RAB11FIP3: variants seen among roughly 807,000 people sequenced by gnomAD.
RAB11FIP3 encodes the protein RAB11 family interacting protein 3.
RAB11FIP3 carries 17 observed loss-of-function variants against 77.8 expected under a neutral mutation model. That is an observed-to-expected ratio of 0.22 (90% CI 0.15 to 0.33). The LOEUF (loss-of-function observed/expected upper bound fraction) is 0.33, where lower values mean the gene tolerates loss of function less well. RAB11FIP3 is among the 10% of genes least tolerant of loss of function. The probability of loss-of-function intolerance (pLI) is 1.00; values close to 1 mark genes in which losing one functional copy is unlikely to be tolerated. For synonymous variants in RAB11FIP3, 437 were observed against 448.2 expected, an observed-to-expected ratio of 0.98 and a Z score of 0.31; for missense variants, 1,005 against 1,011.2, an observed-to-expected ratio of 0.99 and a Z score of 0.08.
chr16:426,512 C>A lies in RAB11FIP3; in HGVS notation c.506C>A (p.Ala169Glu). ...DVFSPFPAPT[A>E]GELALEQGPG... Reference sequence around the variant, plus strand: ...TTCTCTCCCTTCCCCGCGCCCACGGCGGGCGAGCTGGCGCTGGAGCAAGGT... The same window carrying A: ...TTCTCTCCCTTCCCCGCGCCCACGGAGGGCGAGCTGGCGCTGGAGCAAGGT... Residue 169 changes from alanine (A) to glutamate (E), a missense_variant, in exon 1 of 14, where the codon GCG becomes GAG. By Grantham distance (107) the Ala-to-Glu change is moderately radical. Transcript: ENST00000262305. This position sits in a 1 kb window ranked among gnomAD's most constrained non-coding sequence, Gnocchi z 5.0. The A allele has an allele frequency of 2.6e-6, 4 of 1,559,486 alleles. No homozygotes were observed. Among genetic ancestry groups the A allele is most frequent in the Non-Finnish European group, 3.5e-6 (4 of 1,153,336 alleles).
chr16:450,102 A>AAGCC, intron 1 of RAB11FIP3, among the ~76,000 whole-genome samples: 1 of 152,256 alleles, frequency 6.6e-6, no homozygotes, highest in South Asian at 2.1e-4. Flanking sequence ...GACAACATGG[A>AAGCC]AGCCAGGTCA....
intron 2 of RAB11FIP3, among the ~76,000 whole-genome samples, chr16:468,268 AAGTCAGGGAGGAGGTGCAGGG>A (rs2055750811): frequency 1.6e-4 from 1 of 6,326 alleles, no homozygotes; most frequent in Admixed American, 1.8e-3. Flanking sequence ...AGGTGCAGGG[AAGTCAGGGAGGAGGTGCAGGG>A]GCGTCAGGGA....
At chr16:492,238 C>T (rs1037257917) in intron 5 of RAB11FIP3, among the ~76,000 whole-genome samples, 4 of 152,188 alleles carry the variant, frequency 2.6e-5, no homozygotes, top group Admixed American at 2.0e-4. Context: ...AAGCACAGGG[C>T]CCCCAGCCAG....
intron 5 of RAB11FIP3, among the ~76,000 whole-genome samples, chr16:492,282 C>T (rs891430577): frequency 6.6e-6 from 1 of 151,862 alleles, no homozygotes; most frequent in Non-Finnish European, 1.5e-5. Context: ...GGGGTGGGGC[C>T]CGGCACTGAT....
chr16:456,563 C>A (rs1420669420), intron 1 of RAB11FIP3, among the ~76,000 whole-genome samples: 1 of 152,140 alleles, frequency 6.6e-6, no homozygotes, highest in East Asian at 1.9e-4. Flanking sequence ...CAAGACCAGC[C>A]TGCCCAACAT....
At chr16:430,471 C>G (rs555160071) in intron 1 of RAB11FIP3, among the ~76,000 whole-genome samples, 1 of 152,122 alleles carries the variant, frequency 6.6e-6, no homozygotes, top group Non-Finnish European at 1.5e-5. Context: ...AAGGAAGTGT[C>G]GATGCTCAGA....
At chr16:500,772 C>T (rs903870257) in intron 6 of RAB11FIP3, among the ~76,000 whole-genome samples, 3 of 151,132 alleles carry the variant, frequency 2.0e-5, no homozygotes, top group Non-Finnish European at 4.4e-5. Context: ...CCCTCTGCCT[C>T]ACGTTGGTGG....
rs558144377 is a variant in RAB11FIP3 at position 488,932 on chromosome 16, G to A, written c.1197G>A (p.Ala399=). Residue 399 remains alanine, a synonymous_variant, in exon 5 of 14, where the codon GCG becomes GCA. Coordinates refer to ENST00000262305, the MANE Select transcript of RAB11FIP3 (RefSeq NM_014700.4). ...HFEDYGEGSE[A]ELSPETLCNG... is the part of the protein sequence containing the mutation. Reference sequence around the variant, plus strand: ...AGGACTACGGTGAAGGCAGTGAGGCGGAGCTGTCCCCAGAGACCCTATGCA... The same window carrying A: ...AGGACTACGGTGAAGGCAGTGAGGCAGAGCTGTCCCCAGAGACCCTATGCA... The A allele has an allele frequency of 2.4e-5, 38 of 1,614,020 alleles. No homozygotes were observed. Among genetic ancestry groups the A allele is most frequent in the Middle Eastern group, 3.3e-4 (2 of 6,062 alleles).
At position 514,150 on chromosome 16, in the gene RAB11FIP3, C is replaced by T. The variant is rs958332834; in HGVS notation, c.1640+3350C>T. On this transcript the variant is annotated intron_variant, in intron 9 of 13. Coordinates refer to ENST00000262305, the MANE Select transcript of RAB11FIP3 (RefSeq NM_014700.4). This position sits in a 1 kb window ranked among gnomAD's most constrained non-coding sequence, Gnocchi z 4.6. ...CACCCTAAGCGCTTGGGGTCAGTGC[C>T]ACCGTGTTCTGGGCCTCCTGCAGCT... 5.9e-5 allele frequency among the ~76,000 whole-genome samples: 9 copies of T among 152,220 alleles called. No homozygotes were observed. Among genetic ancestry groups the T allele is most frequent in the African/African-American group, 2.2e-4 (9 of 41,448 alleles).
rs1247894974 is a variant in RAB11FIP3 at position 426,987 on chromosome 16, C to A, written c.714+267C>A. On this transcript the variant is annotated intron_variant, in intron 1 of 13. Transcript: ENST00000262305. The surrounding 1 kb of genome is among the most constrained non-coding windows in gnomAD (Gnocchi z 5.0). ...CCAGCGCCTCGTCAGCTGGATCTTA[C>A]CGAGGTCAGCTCCTCGCCTGGGGAC... Among the ~76,000 whole-genome samples, 1 of 152,016 alleles carries A rather than the reference C, an allele frequency of 6.6e-6. No individual in the cohort carries two copies. The highest frequency in any genetic ancestry group is 1.5e-5 in the Non-Finnish European group (1 of 67,974).
chr16:491,362 C>T, intron 5 of RAB11FIP3: 1 of 1,208,916 alleles, frequency 8.3e-7, no homozygotes, highest in African/African-American at 1.6e-5. Flanking sequence ...CCGAGGCGAC[C>T]AGGAGCCTCT....
intron 1 of RAB11FIP3, among the ~76,000 whole-genome samples, chr16:438,646 A>C (rs930868297): frequency 1.3e-5 from 2 of 150,352 alleles, no homozygotes; most frequent in Non-Finnish European, 2.9e-5. Flanking sequence ...GGGCTCCCAA[A>C]CTGCTGGGAT....
At chr16:433,054 G>A (rs1157249471) in intron 1 of RAB11FIP3, among the ~76,000 whole-genome samples, 1 of 100,778 alleles carries the variant, frequency 9.9e-6, no homozygotes, top group African/African-American at 4.0e-5. Context: ...TTTTTTTTGA[G>A]ACATAGTCTC....
Position 438,193 on chromosome 16 carries a change from C to T in RAB11FIP3, c.714+11473C>T, listed in dbSNP as rs958051036. On this transcript the variant is annotated intron_variant, in intron 1 of 13. Coordinates refer to ENST00000262305, the MANE Select transcript of RAB11FIP3 (RefSeq NM_014700.4). ...TGTGATATCCACTTACTGCAACCTC[C>T]GCCTCTCAGGTTCAAGCAATTCTCC... 1.3e-4 allele frequency among the ~76,000 whole-genome samples: 19 copies of T among 151,624 alleles called. 1 individual carries two copies. Among genetic ancestry groups the T allele is most frequent in the African/African-American group, 2.4e-4 (10 of 41,232 alleles).
chr16:441,420 TC>T (rs1236585164), intron 1 of RAB11FIP3, among the ~76,000 whole-genome samples: 1 of 152,202 alleles, frequency 6.6e-6, no homozygotes, highest in Non-Finnish European at 1.5e-5. Context: ...TCTGGCATGT[TC>T]TCACGGGGGG....
At position 488,985 on chromosome 16, in the gene RAB11FIP3, C is replaced by G; in HGVS notation, c.1250C>G (p.Ala417Gly). The stretch of plus-strand genomic sequence containing the variant: ...GGGCAGCTGGGCTGCAGTGACCCCG[C>G]TTTCCTCACGCCCAGGTAATGACGC... ...CNGQLGCSDP[A>G]FLTPSPTKRL... Residue 417 changes from alanine (A) to glycine (G), a missense_variant, in exon 5 of 14, where the codon GCT becomes GGT. Ala to Gly is a moderately conservative substitution (Grantham distance 60). Coordinates refer to ENST00000262305, the MANE Select transcript of RAB11FIP3 (RefSeq NM_014700.4). 6.2e-7 allele frequency: 1 copy of G among 1,613,894 alleles called. No individual in the cohort carries two copies. Among genetic ancestry groups the G allele is most frequent in the Non-Finnish European group, 8.5e-7 (1 of 1,179,936 alleles).
rs533592586 is a variant in RAB11FIP3 at position 510,171 on chromosome 16, G to A, written c.1500-489G>A. ...AGTGGCCCTGGCACCTCCACGCCCC[G>A]TCCCGAGTCCCCGTGCCTCTGGGCT... On this transcript the variant is annotated intron_variant, in intron 8 of 13. Transcript: ENST00000262305. Among the ~76,000 whole-genome samples the A allele has an allele frequency of 2.3e-4, 34 of 147,224 alleles. 1 individual carries two copies. In the East Asian group the frequency reaches 5.7e-3, roughly 25 times the overall value.
At chr16:520,310 C>A (rs781059113) in intron 12 of RAB11FIP3, 33 bp downstream of exon 12, 2 of 1,547,232 alleles carry the variant, frequency 1.3e-6, no homozygotes, top group African/African-American at 1.4e-5. Flanking sequence ...CCCTCACACT[C>A]CTGCAGAAGC....
intron 4 of RAB11FIP3, among the ~76,000 whole-genome samples, chr16:485,311 T>C (rs1417558415): frequency 6.6e-6 from 1 of 152,198 alleles, no homozygotes; most frequent in African/African-American, 2.4e-5. Flanking sequence ...TCTCACTGAT[T>C]ATAGGAGTCC....
Sources: gnomAD v4.1 joint callset for allele counts (sites outside exome capture counted in the v4.1 genomes callset) on GRCh38, gnomAD v4.1.1 for gene constraint, Gnocchi (gnomAD v3.1) non-coding constraint, MANE v1.5 for transcripts, NCBI Gene and HGNC (gene_info 2026-07-23, HGNC 2026-07-21) for gene names.